Variants in TBCK observed in about 807,000 individuals in gnomAD.
TBCK encodes TBC domain-containing protein kinase-like protein.
A neutral mutation model predicts 113.4 loss-of-function variants in TBCK; 99 were observed. That is an observed-to-expected ratio of 0.87 (90% CI 0.74 to 1.03). TBCK has a LOEUF of 1.03. TBCK is among the 50% of genes least tolerant of loss of function. The pLI is 0.00. For missense variants in TBCK, 1,045 were observed against 1,061.3 expected (o/e 0.98, Z 0.21); for synonymous variants, 369 against 370.8 (o/e 1.00, Z 0.05).
At chr4:106,196,542 TTA>T (rs1754260099) in intron 20 of TBCK, among the ~76,000 whole-genome samples, 3 of 151,962 alleles carry the variant, frequency 2.0e-5, no homozygotes, top group Non-Finnish European at 4.4e-5. Context: ...GTCAAGAACT[TTA>T]TAAGTATATT....
chr4:106,256,457 C>T (rs1762000685), intron 5 of TBCK, among the ~76,000 whole-genome samples: 1 of 152,190 alleles, frequency 6.6e-6, no homozygotes, highest in Non-Finnish European at 1.5e-5. Flanking sequence ...TGCACACACC[C>T]AGCCGGGGTC....
intron 20 of TBCK, among the ~76,000 whole-genome samples, chr4:106,202,228 T>C (rs1338050897): frequency 6.6e-6 from 1 of 151,758 alleles, no homozygotes; most frequent in African/African-American, 2.4e-5. Context: ...ATAAAAAGAA[T>C]AGACTCCTAG....
At chr4:106,188,082 T>C (rs1248135203) in intron 22 of TBCK, among the ~76,000 whole-genome samples, 2 of 152,176 alleles carry the variant, frequency 1.3e-5, no homozygotes, top group African/African-American at 4.8e-5. Context: ...CTTCCAGTAC[T>C]ATGTGGAATA....
chr4:106,067,013 CT>C (rs1198278960), intron 25 of TBCK, among the ~76,000 whole-genome samples: 2 of 151,994 alleles, frequency 1.3e-5, no homozygotes, highest in Non-Finnish European at 2.9e-5. Context: ...GTTTTCAATT[CT>C]TTTTGGTAAG....
chr4:106,266,055 T>C (rs1004971091), intron 3 of TBCK, among the ~76,000 whole-genome samples: 1 of 151,722 alleles, frequency 6.6e-6, no homozygotes, highest in Non-Finnish European at 1.5e-5. Flanking sequence ...AACAGAGTTT[T>C]CATAAACATC....
chr4:106,104,646 AT>A (rs759585572), intron 24 of TBCK, among the ~76,000 whole-genome samples: 2 of 152,114 alleles, frequency 1.3e-5, no homozygotes, highest in Non-Finnish European at 2.9e-5. Context: ...TGTGGCCAGA[AT>A]ACAAACTGCT....
At chr4:106,146,647 C>A (rs907860873) in intron 23 of TBCK, among the ~76,000 whole-genome samples, 3 of 152,184 alleles carry the variant, frequency 2.0e-5, no homozygotes, top group Non-Finnish European at 4.4e-5. Flanking sequence ...AAGCCCCCAG[C>A]AAGTCATAAT....
At chr4:106,284,534 C>A (rs1453077451) in intron 3 of TBCK, among the ~76,000 whole-genome samples, 1 of 152,064 alleles carries the variant, frequency 6.6e-6, no homozygotes, top group Non-Finnish European at 1.5e-5. Context: ...TTTTCAAAAC[C>A]ATAACCCTAA....
At chr4:106,175,205 G>T (rs1254408974) in intron 22 of TBCK, among the ~76,000 whole-genome samples, 1 of 149,544 alleles carries the variant, frequency 6.7e-6, no homozygotes, top group East Asian at 2.0e-4. Flanking sequence ...TAAAAGTTCT[G>T]TTTTTTCATA....
At chr4:106,253,471 C>T (rs1761646937) in intron 5 of TBCK, among the ~76,000 whole-genome samples, 3 of 152,126 alleles carry the variant, frequency 2.0e-5, no homozygotes, top group African/African-American at 4.8e-5. Flanking sequence ...ACAACCTAGA[C>T]CCAAATTTCT....
intron 5 of TBCK, among the ~76,000 whole-genome samples, chr4:106,253,641 CA>C (rs1247783241): frequency 6.6e-6 from 1 of 152,180 alleles, no homozygotes; most frequent in Non-Finnish European, 1.5e-5. Flanking sequence ...TAATGTTTAA[CA>C]ATCTGGTATA....
At chr4:106,206,211 G>C (rs532022891) in intron 20 of TBCK, among the ~76,000 whole-genome samples, 1 of 151,350 alleles carries the variant, frequency 6.6e-6, no homozygotes, top group East Asian at 1.9e-4. Context: ...GACAGCATAA[G>C]GAATCATTAG....
chr4:106,263,296 G>A (rs1762667930), intron 3 of TBCK, among the ~76,000 whole-genome samples: 1 of 151,330 alleles, frequency 6.6e-6, no homozygotes, highest in Non-Finnish European at 1.5e-5. Flanking sequence ...TCCACAAACA[G>A]GCAGAATAAA....
Position 106,063,870 on chromosome 4 carries a change from T to G in TBCK, c.2572-17190A>C, listed in dbSNP as rs1391950484. On this transcript the variant is annotated intron_variant, in intron 25 of 25. Coordinates refer to ENST00000394708, the MANE Select transcript of TBCK (RefSeq NM_001163435.3). ...TGGGCTCTTACCAGAGCCTTTATCT[T>G]GGACTTAGTCTCCAGAACTGTGAGA... Among the ~76,000 whole-genome samples the G allele has an allele frequency of 2.6e-5, 4 of 151,928 alleles. No individual in the cohort carries two copies. The East Asian group carries it at 7.7e-4, about 29-fold the overall frequency.
At position 106,236,410 on chromosome 4, in the gene TBCK, G is replaced by A; in HGVS notation, c.1330C>T (p.Leu444Phe). The A allele has an allele frequency of 1.3e-6, 2 of 1,537,332 alleles. No individual in the cohort carries two copies. The highest frequency in any genetic ancestry group is 1.8e-6 in the Non-Finnish European group (2 of 1,141,680). ...CATACCTTTAGCAGCCTGTCGAAGA[G>A]AATAATTCTATTTAGTTGGTACTCT... ...DTEYQLNRII[L>F]FDRLLKAYPY... Residue 444 changes from leucine to phenylalanine, a missense_variant, in exon 14 of 26, where the codon CTC (leucine) becomes TTC (phenylalanine). Transcript: ENST00000394708.
chr4:106,091,872 A>G (rs1405417756), intron 25 of TBCK, among the ~76,000 whole-genome samples: 3 of 152,114 alleles, frequency 2.0e-5, no homozygotes, highest in Non-Finnish European at 1.5e-5. Context: ...TGATTGGTCC[A>G]TTTTACAGAG....
intron 20 of TBCK, among the ~76,000 whole-genome samples, chr4:106,209,056 G>C (rs949742187): frequency 8.5e-5 from 13 of 152,158 alleles, no homozygotes; most frequent in African/African-American, 3.1e-4. Context: ...GTGAGACATG[G>C]GCAGGGGCAA....
chr4:106,235,188 A>T, intron 15 of TBCK, 81 bp downstream of exon 15: 2 of 867,036 alleles, frequency 2.3e-6, no homozygotes, highest in Non-Finnish European at 3.3e-6. Flanking sequence ...AACTAGAAAA[A>T]TATATATTTG....
chr4:106,195,972 T>A (rs1754186531), intron 20 of TBCK, among the ~76,000 whole-genome samples: 1 of 149,058 alleles, frequency 6.7e-6, no homozygotes, highest in Non-Finnish European at 1.5e-5. Context: ...TACTCTTAAT[T>A]GTATTTTTAA....
Sources: gnomAD v4.1 joint callset for allele counts (sites outside exome capture counted in the v4.1 genomes callset) on GRCh38, gnomAD v4.1.1 for gene constraint, MANE v1.5 for transcripts, NCBI Gene and HGNC (gene_info 2026-07-23, HGNC 2026-07-21) for gene names.